Variants in MYLK observed in about 807,000 individuals in gnomAD.
MYLK encodes the protein myosin light chain kinase, smooth muscle.
A neutral mutation model predicts 203.4 loss-of-function variants in MYLK; 106 were observed. The observed-to-expected ratio is 0.52, with a 90% confidence interval of 0.45 to 0.61. The LOEUF is 0.61. Among genes scored for constraint, MYLK ranks in the 20% least tolerant of loss-of-function variants. MYLK has a pLI of 0.00. For missense variants in MYLK, 2,072 were observed against 2,442.3 expected, an observed-to-expected ratio of 0.85 and a Z score of 3.20; for synonymous variants, 867 against 959.5, an observed-to-expected ratio of 0.90 and a Z score of 1.78.
At chr3:123,846,624 G>A (rs2030033197) in intron 2 of MYLK, among the ~76,000 whole-genome samples, 1 of 152,102 alleles carries the variant, frequency 6.6e-6, no homozygotes, top group Non-Finnish European at 1.5e-5. Context: ...TCCTAAAGCT[G>A]TAGTACCGTC....
At chr3:123,761,864 A>G (rs781689874) in intron 4 of MYLK, among the ~76,000 whole-genome samples, 4 of 152,074 alleles carry the variant, frequency 2.6e-5, no homozygotes, top group Non-Finnish European at 5.9e-5. Flanking sequence ...CGTCTCTACT[A>G]AAAATACAAA....
At chr3:123,741,848 C>T (rs1017853506) in intron 5 of MYLK, among the ~76,000 whole-genome samples, 2 of 152,172 alleles carry the variant, frequency 1.3e-5, no homozygotes, top group Non-Finnish European at 1.5e-5. Context: ...CGTGCAGGTA[C>T]ATGTTAGGAT....
chr3:123,831,149 C>G (rs1271540118), intron 3 of MYLK, among the ~76,000 whole-genome samples: 1 of 152,142 alleles, frequency 6.6e-6, no homozygotes, highest in Non-Finnish European at 1.5e-5. Flanking sequence ...AAATCAAAAC[C>G]AGAGTTAGTC....
intron 2 of MYLK, among the ~76,000 whole-genome samples, chr3:123,854,978 T>C (rs2031220817): frequency 6.6e-6 from 1 of 152,158 alleles, no homozygotes; most frequent in South Asian, 2.1e-4. Flanking sequence ...TATACATAAC[T>C]TGTATTTTTA....
chr3:123,640,630 G>A lies in MYLK; in HGVS notation c.4620-126C>T. The A allele has an allele frequency of 1.0e-6, 1 of 957,906 alleles. No individual in the cohort carries two copies. The highest frequency in any genetic ancestry group is 1.6e-6 in the Non-Finnish European group (1 of 611,594). 59.3% of individuals were successfully genotyped at this position (957,906 alleles called of 1,614,324 possible). A position where few individuals can be genotyped will look rare whatever the true frequency, so the allele number is the denominator to read the frequency against. On this transcript the variant is annotated intron_variant, in intron 27 of 33. Transcript: ENST00000360304. The surrounding 1 kb of genome is among the most constrained non-coding windows in gnomAD (Gnocchi z 4.3). ...GGAAAGCCCAGGGAATGGGGGTGAT[G>A]GGCAATTCCTGAATCCCCACCCTCC...
intron 3 of MYLK, among the ~76,000 whole-genome samples, chr3:123,807,821 C>G (rs2065423443): frequency 6.6e-6 from 1 of 152,214 alleles, no homozygotes; most frequent in Non-Finnish European, 1.5e-5. Context: ...TCCAGACTCC[C>G]TCAACTCTCC....
chr3:123,661,005 G>T (rs1363525504), intron 23 of MYLK, among the ~76,000 whole-genome samples: 1 of 152,170 alleles, frequency 6.6e-6, no homozygotes, highest in Non-Finnish European at 1.5e-5. Flanking sequence ...TTAGTTCTTT[G>T]AGGGGGAGGC....
chr3:123,753,876 G>GT (rs2063283172), intron 4 of MYLK, among the ~76,000 whole-genome samples: 1 of 152,158 alleles, frequency 6.6e-6, no homozygotes, highest in African/African-American at 2.4e-5. Context: ...TTCACTTCAA[G>GT]GAAAGAGAGA....
At chr3:123,641,075 T>C (rs890176997) in intron 27 of MYLK, among the ~76,000 whole-genome samples, 6 of 152,258 alleles carry the variant, frequency 3.9e-5, no homozygotes, top group Admixed American at 1.3e-4. Flanking sequence ...AGGCCTATAG[T>C]ATTGGTTTAC....
At chr3:123,664,462 G>A (rs905478150) in intron 22 of MYLK, among the ~76,000 whole-genome samples, 1 of 141,562 alleles carries the variant, frequency 7.1e-6, no homozygotes, top group African/African-American at 2.6e-5. Context: ...TGCCAGGTCT[G>A]GGGTGGGCAG....
At chr3:123,718,381 G>GT (rs1247366737) in intron 13 of MYLK, among the ~76,000 whole-genome samples, 3 of 152,182 alleles carry the variant, frequency 2.0e-5, no homozygotes, top group Non-Finnish European at 2.9e-5. Context: ...AGCTTACAGT[G>GT]TGGAGAGGAA....
chr3:123,774,486 T>C (rs1459121460), intron 4 of MYLK, among the ~76,000 whole-genome samples: 1 of 146,878 alleles, frequency 6.8e-6, no homozygotes, highest in African/African-American at 2.4e-5. Context: ...ACTAATTTTA[T>C]AGGTAAGAAA....
At chr3:123,638,771 C>T in intron 28 of MYLK, 11 of 985,420 alleles carry the variant, frequency 1.1e-5, no homozygotes, top group Non-Finnish European at 1.3e-5. Context: ...CACACAGCTT[C>T]ATGGCTGTCC....
At chr3:123,867,407 C>T (rs1577152297) in intron 2 of MYLK, among the ~76,000 whole-genome samples, 1 of 127,948 alleles carries the variant, frequency 7.8e-6, no homozygotes, top group Non-Finnish European at 1.6e-5. Context: ...GGATTTAATC[C>T]AATGACTAGT....
At chr3:123,741,636 C>G (rs938033077) in intron 5 of MYLK, among the ~76,000 whole-genome samples, 2 of 152,138 alleles carry the variant, frequency 1.3e-5, no homozygotes, top group African/African-American at 4.8e-5. Context: ...ACAGCACCTC[C>G]GTTTCTGTGA....
At chr3:123,715,098 T>C (rs1404240505) in intron 13 of MYLK, among the ~76,000 whole-genome samples, 1 of 152,216 alleles carries the variant, frequency 6.6e-6, no homozygotes, top group Non-Finnish European at 1.5e-5. Flanking sequence ...CTCCCCTTTA[T>C]GATTCTACTG....
At chr3:123,818,046 C>G (rs2065806163) in intron 3 of MYLK, among the ~76,000 whole-genome samples, 1 of 152,090 alleles carries the variant, frequency 6.6e-6, no homozygotes, top group Admixed American at 6.5e-5. Context: ...TTGACAGAGC[C>G]CAGACAGCAC....
rs1359541213 is a variant in MYLK, at chr3:123,648,303, C to A, written c.4415+668G>T. On this transcript the variant is annotated intron_variant, in intron 26 of 33. Coordinates refer to ENST00000360304, the MANE Select transcript of MYLK (RefSeq NM_053025.4). The surrounding 1 kb of genome is among the most constrained non-coding windows in gnomAD (Gnocchi z 4.5). ...TAGGGAGAAGCCAGAGTAAGCAGTG[C>A]GAGCCAAGTTCATGAGGGAGCTTGA... is the stretch of plus-strand genomic sequence containing the variant. Among the ~76,000 whole-genome samples, 1 of 152,092 alleles carries A rather than the reference C, an allele frequency of 6.6e-6. No individual in the cohort carries two copies. Among genetic ancestry groups the A allele is most frequent in the Non-Finnish European group, 1.5e-5 (1 of 68,004 alleles).
chr3:123,708,417 GTTAAGTGTA>G (rs1450010360), intron 15 of MYLK, among the ~76,000 whole-genome samples: 2 of 152,184 alleles, frequency 1.3e-5, no homozygotes, highest in Non-Finnish European at 2.9e-5. Context: ...CTGCCAAATT[GTTAAGTGTA>G]TTACAGATTT....
Sources: gnomAD v4.1 joint callset for allele counts (sites outside exome capture counted in the v4.1 genomes callset) on GRCh38, gnomAD v4.1.1 for gene constraint, Gnocchi (gnomAD v3.1) non-coding constraint, MANE v1.5 for transcripts, NCBI Gene and HGNC (gene_info 2026-07-23, HGNC 2026-07-21) for gene names.